TNNI3: variants seen among roughly 807,000 people sequenced by gnomAD.
TNNI3 encodes the protein troponin I3, cardiac type.
TNNI3 carries 23 observed loss-of-function variants against 31.5 expected under a neutral mutation model. That is an observed-to-expected ratio of 0.73 (90% confidence interval 0.52 to 1.03). TNNI3 has a LOEUF of 1.03. Ranked by LOEUF, TNNI3 falls within the 50% of genes least tolerant of loss-of-function variation. The pLI is 0.00. For synonymous variants in TNNI3, 120 were observed against 111.7 expected, an observed-to-expected ratio of 1.07 and a Z score of -0.47; for missense variants, 236 against 282.9, an observed-to-expected ratio of 0.83 and a Z score of 1.19.
Position 55,154,130 on chromosome 19 carries a change from G to A in TNNI3, c.449C>T (p.Ser150Phe). ...KRPTLRRVRI[S>F]ADAMMQALLG... ...CAGCGCCTGCATCATGGCATCTGCA[G>A]AGATCCTCACTCTCCGCAGGGTGGG... Residue 150 changes from serine to phenylalanine, a missense_variant, in exon 7 of 8, where the codon TCT (serine) becomes TTT (phenylalanine). Physicochemically the swap from Ser to Phe is radical, Grantham distance 155. Around this residue, in one of 4 missense-constraint regions of TNNI3, gnomAD observed 34 missense variants for 52.7 expected, o/e 0.65. Coordinates refer to ENST00000344887, the MANE Select transcript of TNNI3 (RefSeq NM_000363.5). 1 of 1,613,420 alleles carries A rather than the reference G, an allele frequency of 6.2e-7. No homozygotes were observed. Among genetic ancestry groups the A allele is most frequent in the South Asian group, 1.1e-5 (1 of 91,060 alleles).
At position 55,151,856 on chromosome 19, in the gene TNNI3, C is replaced by T. The variant is rs727504275; in HGVS notation, c.611G>A (p.Arg204His). ...NIDALSGMEGRKKKFES is the reference protein window; with the variant it reads ...NIDALSGMEGHKKKFES ...GGCTCAGCTCTCAAACTTTTTCTTG[C>T]GGCCCTCCATTCCACTCAGTGCATC... Residue 204 changes from arginine to histidine, a missense_variant, in exon 8 of 8, where the codon CGC becomes CAC. Transcript: ENST00000344887. The T allele has an allele frequency of 6.2e-7, 1 of 1,614,000 alleles. No individual in the cohort carries two copies. Among genetic ancestry groups the T allele is most frequent in the Admixed American group, 1.7e-5 (1 of 60,014 alleles).
rs766167414 is a variant in TNNI3, at chr19:55,156,152, T to C, written c.282+49A>G. 12 of 1,612,476 alleles carry C rather than the reference T, an allele frequency of 7.4e-6. No homozygotes were observed. In the South Asian group the frequency reaches 1.3e-4, roughly 18 times the overall value. On this transcript the variant is annotated intron_variant, in intron 5 of 7. Coordinates refer to ENST00000344887, the MANE Select transcript of TNNI3 (RefSeq NM_000363.5). The surrounding 1 kb of genome is among the most constrained non-coding windows in gnomAD (Gnocchi z 4.6). ...CGAGCAGAAGAGGGGATAGAGGCTG[T>C]ACTGCTGAATTCCGGGACTAGAAAC...
intron 6 of TNNI3, 23 bp from the exon 7 acceptor site, chr19:55,154,229 G>A (rs1464608393): frequency 6.2e-7 from 1 of 1,607,700 alleles, no homozygotes; most frequent in East Asian, 2.2e-5. Context: ...GAGGGGGTGG[G>A]TACTTCTCCT....
In TNNI3 at chr19:55,156,651, G is replaced by T; in HGVS notation, c.109-7C>A. ...CGGAGATCTTAGATTTTTTCTGCCAGGGTGAGATGGAGCAAGGAAGGATCA... is the reference window on the plus strand; with the variant it reads ...CGGAGATCTTAGATTTTTTCTGCCATGGTGAGATGGAGCAAGGAAGGATCA... On this transcript the variant is annotated splice_polypyrimidine_tract_variant and splice_region_variant and intron_variant, in intron 3 of 7. Coordinates refer to ENST00000344887, the MANE Select transcript of TNNI3 (RefSeq NM_000363.5). This position sits in a 1 kb window ranked among gnomAD's most constrained non-coding sequence, Gnocchi z 4.6. The T allele has an allele frequency of 1.3e-6, 2 of 1,563,556 alleles. No individual in the cohort carries two copies. The highest frequency in any genetic ancestry group is 1.7e-6 in the Non-Finnish European group (2 of 1,152,326).
In TNNI3 at chr19:55,157,643, G is replaced by A. The variant is rs2147286792; in HGVS notation, c.-54C>T. 2 of 1,611,172 alleles carry A rather than the reference G, an allele frequency of 1.2e-6. No individual in the cohort carries two copies. Among genetic ancestry groups the A allele is most frequent in the East Asian group, 4.5e-5 (2 of 44,858 alleles). ...GGCAGGGCGAGGACAGGGGCGTTTGGAGGGTCAGTGAGGGGGCCGCCCGGG... is the reference window on the plus strand; with the variant it reads ...GGCAGGGCGAGGACAGGGGCGTTTGAAGGGTCAGTGAGGGGGCCGCCCGGG... On this transcript the variant is annotated 5_prime_UTR_variant, in exon 1 of 8. Coordinates refer to ENST00000344887, the MANE Select transcript of TNNI3 (RefSeq NM_000363.5). This position sits in a 1 kb window ranked among gnomAD's most constrained non-coding sequence, Gnocchi z 6.3.
At position 55,156,166 on chromosome 19, in the gene TNNI3, G is replaced by C. The variant is rs1025600110; in HGVS notation, c.282+35C>G. 1 of 1,612,524 alleles carries C rather than the reference G, an allele frequency of 6.2e-7. No individual in the cohort carries two copies. Among genetic ancestry groups the C allele is most frequent in the East Asian group, 2.2e-5 (1 of 44,858 alleles). On this transcript the variant is annotated intron_variant, in intron 5 of 7. Coordinates refer to ENST00000344887, the MANE Select transcript of TNNI3 (RefSeq NM_000363.5). This position sits in a 1 kb window ranked among gnomAD's most constrained non-coding sequence, Gnocchi z 4.6. ...GATAGAGGCTGTACTGCTGAATTCCGGGACTAGAAACCTCGCATCCTTGGG... is the reference window on the plus strand; with the variant it reads ...GATAGAGGCTGTACTGCTGAATTCCCGGACTAGAAACCTCGCATCCTTGGG...
intron 7 of TNNI3, among the ~76,000 whole-genome samples, chr19:55,153,414 G>A (rs1038530720): frequency 6.6e-6 from 1 of 151,916 alleles, no homozygotes. Context: ...TCACTGTATT[G>A]CCCAGGCTGG....
At chr19:55,154,568 A>G in intron 6 of TNNI3, 173 bp downstream of exon 6, 1 of 704,332 alleles carries the variant, frequency 1.4e-6, no homozygotes, top group South Asian at 1.5e-5. Flanking sequence ...TGCCTAGAAC[A>G]GCTTTCCTTG....
intron 5 of TNNI3, among the ~76,000 whole-genome samples, chr19:55,155,876 G>A (rs2085725805): frequency 7.9e-6 from 1 of 125,842 alleles, no homozygotes; most frequent in South Asian, 2.8e-4. Context: ...GGACTTCAGG[G>A]TCTCAGGGAG....
chr19:55,156,950 G>A lies in TNNI3; in HGVS notation c.108+100C>T. The A allele has an allele frequency of 7.4e-7, 1 of 1,343,500 alleles. No homozygotes were observed. The highest frequency in any genetic ancestry group is 1.0e-6 in the Non-Finnish European group (1 of 971,262). The allele number at this position is 1,343,500 out of a possible 1,614,324, so 83.2% of individuals were successfully genotyped here. A position where few individuals can be genotyped will look rare whatever the true frequency, so the allele number is the denominator to read the frequency against. ...AACTCCGCCCCTGAAGCCCCTCCGC[G>A]TAGTCCCCGCCCCCTTCGCAGCCCT... is the stretch of plus-strand genomic sequence containing the variant. On this transcript the variant is annotated intron_variant, in intron 3 of 7. Coordinates refer to ENST00000344887, the MANE Select transcript of TNNI3 (RefSeq NM_000363.5). This position sits in a 1 kb window ranked among gnomAD's most constrained non-coding sequence, Gnocchi z 4.6.
intron 7 of TNNI3, among the ~76,000 whole-genome samples, chr19:55,153,106 A>AT (rs370405081): frequency 2.6e-5 from 4 of 152,048 alleles, no homozygotes; most frequent in African/African-American, 4.8e-5. Context: ...TAACTTTGGT[A>AT]TTTTTTATAG....
In TNNI3 at chr19:55,157,137, G is replaced by C; in HGVS notation, c.25-4C>G. 6.3e-7 allele frequency: 1 copy of C among 1,599,188 alleles called. No homozygotes were observed. The highest frequency in any genetic ancestry group is 1.3e-5 in the African/African-American group (1 of 74,932). Reference sequence around the variant, plus strand: ...GTGCAGGGCGAGGTTCCCTAGCCTGGGTTAGGAGGAGTGGGGACCCCATCA... The same window carrying C: ...GTGCAGGGCGAGGTTCCCTAGCCTGCGTTAGGAGGAGTGGGGACCCCATCA... On this transcript the variant is annotated splice_polypyrimidine_tract_variant and splice_region_variant and intron_variant, in intron 2 of 7. Transcript: ENST00000344887. This position sits in a 1 kb window ranked among gnomAD's most constrained non-coding sequence, Gnocchi z 6.3.
At position 55,156,108 on chromosome 19, in the gene TNNI3, A is replaced by T; in HGVS notation, c.282+93T>A. The T allele has an allele frequency of 1.3e-6, 2 of 1,594,514 alleles. No homozygotes were observed. Among genetic ancestry groups the T allele is most frequent in the Non-Finnish European group, 1.7e-6 (2 of 1,164,568 alleles). The stretch of plus-strand genomic sequence containing the variant: ...CATATATAATTGGGTAAGGACAGCC[A>T]TATTGGACGCCTGGGTCCCGAGCAG... On this transcript the variant is annotated intron_variant, in intron 5 of 7. Coordinates refer to ENST00000344887, the MANE Select transcript of TNNI3 (RefSeq NM_000363.5). The surrounding 1 kb of genome is among the most constrained non-coding windows in gnomAD (Gnocchi z 4.6).
In TNNI3 at chr19:55,157,467, C is replaced by T. The variant is rs560412587; in HGVS notation, c.11+112G>A. On this transcript the variant is annotated intron_variant, in intron 1 of 7. Coordinates refer to ENST00000344887, the MANE Select transcript of TNNI3 (RefSeq NM_000363.5). The surrounding 1 kb of genome is among the most constrained non-coding windows in gnomAD (Gnocchi z 6.3). ...CGCAAACCCACTTCCTCTCTTCACC[C>T]AAGAGTCCCTACGCCTACCTCGCAG... 6 of 1,577,220 alleles carry T rather than the reference C, an allele frequency of 3.8e-6. No individual in the cohort carries two copies. Among genetic ancestry groups the T allele is most frequent in the African/African-American group, 2.7e-5 (2 of 74,330 alleles).
chr19:55,153,958 C>G (rs1294785135), intron 7 of TNNI3, 72 bp downstream of exon 7: 11 of 1,575,270 alleles, frequency 7.0e-6, no homozygotes, highest in Non-Finnish European at 9.5e-6. Context: ...CATCTGCCCT[C>G]AGGCCTAGGG....
Position 55,156,231 on chromosome 19 carries a change from C to A in TNNI3, c.252G>T (p.Glu84Asp). The change falls in exon 5 of 8, where the codon GAG becomes GAT. Residue 84 changes from glutamate to aspartate, a missense_variant. By Grantham distance (45) the Glu-to-Asp change is conservative (BLOSUM62 2). Transcript: ENST00000344887. This position sits in a 1 kb window ranked among gnomAD's most constrained non-coding sequence, Gnocchi z 4.6. ...GCTCCGCGAAGCCCAGCCCGGCCAACTCCAGCGGCTGGCAGCGGGTGCTCA... is the reference window on the plus strand; with the variant it reads ...GCTCCGCGAAGCCCAGCCCGGCCAAATCCAGCGGCTGGCAGCGGGTGCTCA... Reference protein sequence around the residue: ...RALSTRCQPLELAGLGFAELQ... With the variant: ...RALSTRCQPLDLAGLGFAELQ... 2 of 1,612,702 alleles carry A rather than the reference C, an allele frequency of 1.2e-6. No homozygotes were observed. Among genetic ancestry groups the A allele is most frequent in the Non-Finnish European group, 1.7e-6 (2 of 1,179,850 alleles).
rs2085699144 is a variant in TNNI3, at chr19:55,152,176, T to C, written c.550-259A>G. Among the ~76,000 whole-genome samples, 1 of 151,538 alleles carries C rather than the reference T, an allele frequency of 6.6e-6. No homozygotes were observed. Among genetic ancestry groups the C allele is most frequent in the Admixed American group, 6.6e-5 (1 of 15,228 alleles). On this transcript the variant is annotated intron_variant, in intron 7 of 7. Coordinates refer to ENST00000344887, the MANE Select transcript of TNNI3 (RefSeq NM_000363.5). The surrounding 1 kb of genome is among the most constrained non-coding windows in gnomAD (Gnocchi z 4.0). ...TCCTGTCTCCCTCATGTACTTTCTG[T>C]CTTTCCCCATCCACTTCCTGTCTCC...
rs912998591 is a variant in TNNI3, at chr19:55,156,447, G to T, written c.151-115C>A. The T allele has an allele frequency of 2.0e-6, 3 of 1,507,822 alleles. No homozygotes were observed. Among genetic ancestry groups the T allele is most frequent in the South Asian group, 1.2e-5 (1 of 82,418 alleles). 93.4% of individuals were successfully genotyped at this position (1,507,822 alleles called of 1,614,324 possible). ...CCAGTTTGGTCTCCACTGTTCCAAG[G>T]CCCCGTCCCACCCCGAGCAGTACTC... On this transcript the variant is annotated intron_variant, in intron 4 of 7. Transcript: ENST00000344887. This position sits in a 1 kb window ranked among gnomAD's most constrained non-coding sequence, Gnocchi z 4.6.
intron 5 of TNNI3, 60 bp from the exon 6 acceptor site, chr19:55,154,890 C>T: frequency 6.6e-7 from 1 of 1,511,750 alleles, no homozygotes; most frequent in Non-Finnish European, 9.2e-7. Flanking sequence ...ACCTGGACTC[C>T]TGGGTCTGAG....
Sources: allele counts gnomAD v4.1 joint callset (sites outside exome capture counted in the v4.1 genomes callset), GRCh38; gene constraint gnomAD v4.1.1; regional missense constraint gnomAD v4.1.1; non-coding constraint Gnocchi (gnomAD v3.1); transcripts MANE v1.5; gene names NCBI Gene and HGNC (gene_info 2026-07-23, HGNC 2026-07-21).